TRAPPC9: variants seen among roughly 807,000 people sequenced by gnomAD.
TRAPPC9 encodes the protein trafficking protein particle complex subunit 9.
In TRAPPC9, 83 loss-of-function variants were observed where a neutral mutation model predicts 124.0. The observed-to-expected ratio is 0.67, with a 90% CI of 0.56 to 0.80. TRAPPC9 has a LOEUF of 0.80. Among genes scored for constraint, TRAPPC9 ranks in the 30% least tolerant of loss-of-function variants. The pLI, the probability that TRAPPC9 is intolerant of heterozygous loss-of-function variation, is 0.00. For missense variants in TRAPPC9, 1,302 were observed against 1,508.3 expected (o/e 0.86, Z 2.27); for synonymous variants, 638 against 617.5 (o/e 1.03, Z -0.49).
At chr8:139,842,261 T>A (rs752845721) in intron 21 of TRAPPC9, among the ~76,000 whole-genome samples, 3 of 152,262 alleles carry the variant, frequency 2.0e-5, no homozygotes, top group Non-Finnish European at 2.9e-5. Context: ...GCCTTGGGGA[T>A]TTTTCTCCTC....
At chr8:140,376,609 C>T (rs1203328597) in intron 7 of TRAPPC9, among the ~76,000 whole-genome samples, 1 of 148,292 alleles carries the variant, frequency 6.7e-6, no homozygotes, top group African/African-American at 2.5e-5. Context: ...GGCAACGTGG[C>T]TCATGCCGAT....
intron 12 of TRAPPC9, among the ~76,000 whole-genome samples, chr8:140,289,174 A>ATAGT (rs1355396498): frequency 6.7e-6 from 1 of 148,314 alleles, no homozygotes; most frequent in Admixed American, 6.7e-5. Context: ...ATATATATAT[A>ATAGT]GTGTGTGTGT....
At chr8:139,947,920 AGAGC>A (rs1554419339) in intron 19 of TRAPPC9, among the ~76,000 whole-genome samples, 9 of 58,832 alleles carry the variant, frequency 1.5e-4, no homozygotes, top group African/African-American at 5.2e-4. Context: ...AGAGAGAGAG[AGAGC>A]GAGAGAGAGA....
intron 19 of TRAPPC9, among the ~76,000 whole-genome samples, chr8:139,938,559 AC>A (rs1377660010): frequency 1.3e-5 from 2 of 151,646 alleles, no homozygotes; most frequent in Admixed American, 1.3e-4. Context: ...TGCTGGGATT[AC>A]AGGCATGAGC....
chr8:139,822,426 C>T (rs1825312613), intron 21 of TRAPPC9, among the ~76,000 whole-genome samples: 1 of 152,188 alleles, frequency 6.6e-6, no homozygotes, highest in African/African-American at 2.4e-5. Context: ...GTACCAGCTA[C>T]ATAGGGCAAG....
At chr8:139,737,408 G>A (rs925431057) in intron 21 of TRAPPC9, among the ~76,000 whole-genome samples, 1 of 112,924 alleles carries the variant, frequency 8.9e-6, no homozygotes, top group Non-Finnish European at 1.8e-5. Context: ...TCCCTCGGCC[G>A]CTCCTCACCA....
intron 6 of TRAPPC9, 91 bp from the exon 7 acceptor site, chr8:140,397,836 A>T: frequency 6.5e-7 from 1 of 1,535,198 alleles, no homozygotes; most frequent in Non-Finnish European, 8.9e-7. Context: ...CTCAATAACT[A>T]CAACAGCACT....
At chr8:139,988,305 G>T (rs911784661) in intron 19 of TRAPPC9, among the ~76,000 whole-genome samples, 1 of 151,854 alleles carries the variant, frequency 6.6e-6, no homozygotes, top group Non-Finnish European at 1.5e-5. Flanking sequence ...TAGAGACGGG[G>T]TTTCACCATG....
At chr8:139,757,109 A>G (rs1819882466) in intron 21 of TRAPPC9, among the ~76,000 whole-genome samples, 1 of 131,832 alleles carries the variant, frequency 7.6e-6, no homozygotes, top group South Asian at 2.7e-4. Flanking sequence ...GGATGAGGAC[A>G]GCATGTCGCA....
chr8:140,027,882 T>C (rs1301377057), intron 17 of TRAPPC9, among the ~76,000 whole-genome samples: 3 of 151,984 alleles, frequency 2.0e-5, no homozygotes, highest in Non-Finnish European at 4.4e-5. Context: ...TCATGAGAAC[T>C]CACTATCATG....
At chr8:139,773,070 C>T (rs1459157899) in intron 21 of TRAPPC9, among the ~76,000 whole-genome samples, 1 of 152,232 alleles carries the variant, frequency 6.6e-6, no homozygotes, top group East Asian at 1.9e-4. Flanking sequence ...AGTTTGTGCC[C>T]TGGGCCACCT....
intron 12 of TRAPPC9, among the ~76,000 whole-genome samples, chr8:140,289,223 G>T (rs1333095184): frequency 6.6e-6 from 1 of 150,460 alleles, no homozygotes; most frequent in East Asian, 1.9e-4. Flanking sequence ...GTGTTCTCAT[G>T]TATGTGTATA....
intron 15 of TRAPPC9, among the ~76,000 whole-genome samples, chr8:140,259,374 C>A (rs2064346807): frequency 6.6e-6 from 1 of 152,168 alleles, no homozygotes; most frequent in Admixed American, 6.5e-5. Context: ...ACCAAACGGT[C>A]AAAAACGGAA....
intron 17 of TRAPPC9, among the ~76,000 whole-genome samples, chr8:140,050,798 AC>A (rs886193327): frequency 6.6e-6 from 1 of 151,980 alleles, no homozygotes; most frequent in Non-Finnish European, 1.5e-5. Context: ...CCCACCGACA[AC>A]CCCAGGAGGG....
In TRAPPC9 at chr8:140,311,233, C is replaced by T; in HGVS notation, c.1622+15G>A. Reference sequence around the variant, plus strand: ...GAGGGCAGCTGCCTTTCCGGCTCTGCAGTGCCCATCTCACCTGACGATGGG... The same window carrying T: ...GAGGGCAGCTGCCTTTCCGGCTCTGTAGTGCCCATCTCACCTGACGATGGG... On this transcript the variant is annotated intron_variant, in intron 10 of 22. Coordinates refer to ENST00000438773, the MANE Select transcript of TRAPPC9 (RefSeq NM_001160372.4). 1 of 1,608,730 alleles carries T rather than the reference C, an allele frequency of 6.2e-7. No homozygotes were observed.
At chr8:139,826,992 G>A (rs1361961258) in intron 21 of TRAPPC9, among the ~76,000 whole-genome samples, 2 of 152,192 alleles carry the variant, frequency 1.3e-5, no homozygotes, top group African/African-American at 4.8e-5. Flanking sequence ...ACTGCTTGCC[G>A]GTCCATCTTC....
chr8:140,051,391 C>A (rs1467309747), intron 17 of TRAPPC9, among the ~76,000 whole-genome samples: 1 of 152,104 alleles, frequency 6.6e-6, no homozygotes, highest in African/African-American at 2.4e-5. Flanking sequence ...GTATCTGAAC[C>A]CTCAACCCTG....
At chr8:139,872,864 A>T (rs1483768371) in intron 21 of TRAPPC9, among the ~76,000 whole-genome samples, 2 of 556 alleles carry the variant, frequency 3.6e-3, no homozygotes, top group African/African-American at 0.011. Context: ...GGATGGATGG[A>T]TGGATGGGTG....
intron 19 of TRAPPC9, among the ~76,000 whole-genome samples, chr8:139,942,514 T>C (rs1333843332): frequency 6.6e-6 from 1 of 152,200 alleles, no homozygotes; most frequent in Non-Finnish European, 1.5e-5. Context: ...TGGTGCTTAA[T>C]AGGTGTAACA....
Sources: gnomAD v4.1 joint callset for allele counts (sites outside exome capture counted in the v4.1 genomes callset) on GRCh38, gnomAD v4.1.1 for gene constraint, MANE v1.5 for transcripts, NCBI Gene and HGNC (gene_info 2026-07-23, HGNC 2026-07-21) for gene names.